The following TGFBRAP1 variants were observed in gnomAD, a reference collection of about 807,000 sequenced individuals.
TGFBRAP1 encodes the protein transforming growth factor beta receptor associated protein 1.
Under a neutral mutation model 83.2 loss-of-function variants are expected in TGFBRAP1, and 20 were observed. That is an observed-to-expected ratio of 0.24 (90% confidence interval 0.17 to 0.35). The LOEUF (loss-of-function observed/expected upper bound fraction) is 0.35, where lower values mean the gene tolerates loss of function less well. TGFBRAP1 is among the 10% of genes least tolerant of loss of function. TGFBRAP1 has a pLI of 1.00. For synonymous variants in TGFBRAP1, 415 were observed against 459.8 expected (o/e 0.90, Z 1.25); for missense variants, 950 against 1,099.4 (o/e 0.86, Z 1.92).
Position 105,278,084 on chromosome 2 carries a change from G to A in TGFBRAP1, c.1464-413C>T, listed in dbSNP as rs1164266712. 4.7e-5 allele frequency among the ~76,000 whole-genome samples: 5 copies of A among 105,946 alleles called. No individual in the cohort carries two copies. The Admixed American group carries it at 5.3e-4, about 11-fold the overall frequency. 69.5% of individuals were successfully genotyped at this position (105,946 alleles called of 152,430 possible). ...AAAAAATATATGTGTGTGTGTGTGTGTGTGTGTGTGTGTGTGTGTGTGTGT... is the reference window on the plus strand; with the variant it reads ...AAAAAATATATGTGTGTGTGTGTGTATGTGTGTGTGTGTGTGTGTGTGTGT... On this transcript the variant is annotated intron_variant, in intron 6 of 11. Transcript: ENST00000393359.
intron 5 of TGFBRAP1, among the ~76,000 whole-genome samples, chr2:105,283,065 C>T (rs576923211): frequency 6.6e-6 from 1 of 152,294 alleles, no homozygotes; most frequent in East Asian, 1.9e-4. Context: ...TTGGGATACA[C>T]CCATGACCCC....
Position 105,305,202 on chromosome 2 carries a change from T to C in TGFBRAP1, c.688+2412A>G, listed in dbSNP as rs941537696. ...CTAAAACTGCTCTAAAAAAATAAAG[T>C]CTATTTTTTTAAAAAGTGAAAAACA... On this transcript the variant is annotated intron_variant, in intron 2 of 11. Coordinates refer to ENST00000393359, the MANE Select transcript of TGFBRAP1 (RefSeq NM_004257.6). Among the ~76,000 whole-genome samples, 7 of 152,256 alleles carry C rather than the reference T, an allele frequency of 4.6e-5. No homozygotes were observed. The East Asian group carries it at 1.2e-3, about 25-fold the overall frequency.
intron 3 of TGFBRAP1, among the ~76,000 whole-genome samples, chr2:105,297,830 A>C (rs1678135915): frequency 6.6e-6 from 1 of 152,252 alleles, no homozygotes; most frequent in Non-Finnish European, 1.5e-5. Flanking sequence ...TCGTACTTTC[A>C]AATGGCTCAG....
chr2:105,261,625 AC>A (rs1272140654), downstream of TGFBRAP1, among the ~76,000 whole-genome samples: 2 of 152,030 alleles, frequency 1.3e-5, no homozygotes, highest in Non-Finnish European at 1.5e-5. Flanking sequence ...GATGGCATGT[AC>A]CAGTAGTCCC....
intron 5 of TGFBRAP1, among the ~76,000 whole-genome samples, chr2:105,281,987 G>A (rs546587457): frequency 4.6e-5 from 7 of 152,084 alleles, no homozygotes; most frequent in East Asian, 1.9e-4. Context: ...GGCTCAAAAC[G>A]TCTACAGTGC....
intron 1 of TGFBRAP1, among the ~76,000 whole-genome samples, chr2:105,319,208 G>A (rs1165716418): frequency 6.6e-6 from 1 of 151,850 alleles, no homozygotes; most frequent in African/African-American, 2.4e-5. Context: ...TTACAGGCGT[G>A]CATCATTTTG....
At chr2:105,310,786 G>A (rs1471929855) in intron 1 of TGFBRAP1, among the ~76,000 whole-genome samples, 1 of 152,018 alleles carries the variant, frequency 6.6e-6, no homozygotes, top group Non-Finnish European at 1.5e-5. Context: ...TGAAATGTCA[G>A]CTTCCAGACA....
Position 105,313,528 on chromosome 2 carries a change from G to C in TGFBRAP1, c.-17-5210C>G, listed in dbSNP as rs190149668. ...ATTTCACATAATAAATGTTTCTAAG[G>C]ATAAAAAGATAAATAAAAGAGGGAA... On this transcript the variant is annotated intron_variant, in intron 1 of 11. Coordinates refer to ENST00000393359, the MANE Select transcript of TGFBRAP1 (RefSeq NM_004257.6). Among the ~76,000 whole-genome samples, 20 of 152,136 alleles carry C rather than the reference G, an allele frequency of 1.3e-4. 1 individual carries two copies. Among genetic ancestry groups the C allele is most frequent in the Non-Finnish European group, 2.1e-4 (14 of 68,010 alleles).
downstream of TGFBRAP1, among the ~76,000 whole-genome samples, chr2:105,263,241 G>A (rs1676831503): frequency 6.6e-6 from 1 of 152,146 alleles, no homozygotes; most frequent in Admixed American, 6.5e-5. Context: ...TATGCTAATG[G>A]GCCTTCAGAT....
intron 10 of TGFBRAP1, among the ~76,000 whole-genome samples, chr2:105,272,061 G>C (rs1677174669): frequency 6.6e-6 from 1 of 152,164 alleles, no homozygotes; most frequent in African/African-American, 2.4e-5. Context: ...TGTTAGATAT[G>C]CTTTGTTATT....
chr2:105,289,883 T>C (rs1677845473), intron 4 of TGFBRAP1, among the ~76,000 whole-genome samples: 1 of 152,244 alleles, frequency 6.6e-6, no homozygotes, highest in Admixed American at 6.5e-5. Flanking sequence ...GCTGTATCAA[T>C]TTAAATTATT....
At position 105,280,686 on chromosome 2, in the gene TGFBRAP1, A is replaced by G; in HGVS notation, c.1159T>C (p.Tyr387His). The change falls in exon 6 of 12, where the codon TAC (tyrosine) becomes CAC (histidine). Residue 387 changes from tyrosine to histidine, a missense_variant. Physicochemically the swap from Tyr to His is moderately conservative, Grantham distance 83. Transcript: ENST00000393359. Reference protein sequence around the residue: ...QLDVRELISLYPFLLPTSSSF... With the variant: ...QLDVRELISLHPFLLPTSSSF... ...GAGGAGGTGGGCAACAGGAAGGGGT[A>G]GAGAGAGATCAGCTCCCGGACATCA... 6.2e-7 allele frequency: 1 copy of G among 1,614,094 alleles called. No homozygotes were observed. The highest frequency in any genetic ancestry group is 8.5e-7 in the Non-Finnish European group (1 of 1,179,988).
At chr2:105,311,934 CTATT>C (rs1395226771) in intron 1 of TGFBRAP1, among the ~76,000 whole-genome samples, 1 of 151,856 alleles carries the variant, frequency 6.6e-6, no homozygotes, top group Non-Finnish European at 1.5e-5. Context: ...ATTTAAAAAA[CTATT>C]TTTTTTAAGC....
At chr2:105,294,258 C>T (rs1029928404) in intron 4 of TGFBRAP1, among the ~76,000 whole-genome samples, 4 of 151,594 alleles carry the variant, frequency 2.6e-5, no homozygotes, top group African/African-American at 9.7e-5. Context: ...TGTCTTCCAC[C>T]CTTTGAGGCA....
At chr2:105,259,275 G>A in the TGFBRAP1 span, among the ~76,000 whole-genome samples, 13 of 152,276 alleles carry the variant, frequency 8.5e-5, no homozygotes, top group East Asian at 3.9e-4. Flanking sequence ...GAGGCGCTGC[G>A]CCCCGACTGA....
Position 105,301,707 on chromosome 2 carries a change from T to A in TGFBRAP1, c.689-3002A>T, listed in dbSNP as rs1441621524. On this transcript the variant is annotated intron_variant, in intron 2 of 11. Coordinates refer to ENST00000393359, the MANE Select transcript of TGFBRAP1 (RefSeq NM_004257.6). Reference sequence around the variant, plus strand: ...ACTCAAGAAGCAATACCTGAAAATATTGATACATTTGATTATACAGAATTT... The same window carrying A: ...ACTCAAGAAGCAATACCTGAAAATAATGATACATTTGATTATACAGAATTT... Among the ~76,000 whole-genome samples, 4 of 152,214 alleles carry A rather than the reference T, an allele frequency of 2.6e-5. No homozygotes were observed. In the South Asian group the frequency reaches 8.3e-4, roughly 32 times the overall value.
chr2:105,277,607 GACTC>G lies in TGFBRAP1; in HGVS notation c.1521+3_1521+6del. 1 of 1,613,868 alleles carries G rather than the reference GACTC, an allele frequency of 6.2e-7. No homozygotes were observed. Among genetic ancestry groups the G allele is most frequent in the Non-Finnish European group, 8.5e-7 (1 of 1,179,906 alleles). ...TTTAAATCATGTGGAAACCCTTCTA[GACTC>G]ACCTGAACTGCAGCAGCATCTTGGT... On this transcript the variant is annotated splice_donor_5th_base_variant and intron_variant, in intron 7 of 11. Transcript: ENST00000393359.
In TGFBRAP1 at chr2:105,269,814, T is replaced by C. The variant is rs1677087678; in HGVS notation, c.1973-109A>G. On this transcript the variant is annotated intron_variant, in intron 10 of 11. Coordinates refer to ENST00000393359, the MANE Select transcript of TGFBRAP1 (RefSeq NM_004257.6). This position sits in a 1 kb window ranked among gnomAD's most constrained non-coding sequence, Gnocchi z 4.1. ...TCAGGAGGGGAAAAGTCAACCTGGC[T>C]CCCTCACAATGCCAAATGCTGCCAC... 25 of 1,242,244 alleles carry C rather than the reference T, an allele frequency of 2.0e-5. No individual in the cohort carries two copies. The highest frequency in any genetic ancestry group is 2.7e-5 in the Non-Finnish European group (25 of 933,814). The allele number at this position is 1,242,244 out of a possible 1,614,324, so 77.0% of individuals were successfully genotyped here.
chr2:105,323,166 T>A (rs1021962436), intron 1 of TGFBRAP1, among the ~76,000 whole-genome samples: 5 of 152,114 alleles, frequency 3.3e-5, no homozygotes, highest in African/African-American at 1.2e-4. Context: ...GAAGCATGCA[T>A]TGGAGGCCAG....
Sources: gnomAD v4.1 joint callset for allele counts (sites outside exome capture counted in the v4.1 genomes callset) on GRCh38, gnomAD v4.1.1 for gene constraint, Gnocchi (gnomAD v3.1) non-coding constraint, MANE v1.5 for transcripts, NCBI Gene and HGNC (gene_info 2026-07-23, HGNC 2026-07-21) for gene names.